The following HCN1 variants were observed in gnomAD, a reference collection of about 807,000 sequenced individuals.
HCN1 encodes the protein potassium/sodium hyperpolarization-activated cyclic nucleotide-gated channel 1.
HCN1 carries 13 observed loss-of-function variants against 78.9 expected under a neutral mutation model. That is an observed-to-expected ratio of 0.16 (90% CI 0.11 to 0.26). HCN1 has a LOEUF of 0.26. HCN1 is among the 10% of genes least tolerant of loss of function. The pLI, the probability that HCN1 is intolerant of heterozygous loss-of-function variation, is 1.00. For missense variants in HCN1, 810 were observed against 1,154.3 expected (o/e 0.70, Z 4.32); for synonymous variants, 552 against 455.5 (o/e 1.21, Z -2.70).
At chr5:45,356,886 A>T (rs1747015834) in intron 4 of HCN1, among the ~76,000 whole-genome samples, 1 of 152,042 alleles carries the variant, frequency 6.6e-6, no homozygotes, top group African/African-American at 2.4e-5. Flanking sequence ...GTAAATATTT[A>T]CCACAAAGCC....
intron 2 of HCN1, among the ~76,000 whole-genome samples, chr5:45,508,470 C>T (rs1330243747): frequency 6.6e-6 from 1 of 152,072 alleles, no homozygotes; most frequent in Non-Finnish European, 1.5e-5. Flanking sequence ...TGAGCTTCAG[C>T]TCACCAACAT....
chr5:45,354,508 C>A (rs1393627180), intron 4 of HCN1, among the ~76,000 whole-genome samples: 1 of 151,962 alleles, frequency 6.6e-6, no homozygotes, highest in African/African-American at 2.4e-5. Context: ...TCTAGATCTC[C>A]TGACTCTTTG....
rs1554014669 is a variant in HCN1 at position 45,267,463 on chromosome 5, T to TTA, written c.1619-211_1619-210insTA. Among the ~76,000 whole-genome samples the TTA allele has an allele frequency of 0.018, 2,536 of 141,552 alleles. 72 individuals carry two copies. Among genetic ancestry groups the TTA allele is most frequent in the African/African-American group, 0.062 (2,408 of 39,018 alleles). 92.9% of individuals were successfully genotyped at this position (141,552 alleles called of 152,430 possible). On this transcript the variant is annotated intron_variant, in intron 6 of 7. Coordinates refer to ENST00000303230, the MANE Select transcript of HCN1 (RefSeq NM_021072.4). ...AATGTTTTTTTGTTTTGTTTTGTTTTAAAAAAAAAAAAAACAGTTGAGAAG... is the reference window on the plus strand; with the variant it reads ...AATGTTTTTTTGTTTTGTTTTGTTTTTAAAAAAAAAAAAAAACAGTTGAGAAG...
chr5:45,463,156 A>G (rs1490780749), intron 2 of HCN1, among the ~76,000 whole-genome samples: 2 of 152,034 alleles, frequency 1.3e-5, no homozygotes, highest in African/African-American at 4.8e-5. Flanking sequence ...AAAAATGTAA[A>G]GAAAACCAAA....
intron 2 of HCN1, among the ~76,000 whole-genome samples, chr5:45,524,159 T>G (rs190759036): frequency 1.3e-5 from 2 of 152,290 alleles, no homozygotes; most frequent in Admixed American, 1.3e-4. Flanking sequence ...TTGTCAAAGA[T>G]CAGATAGTTG....
At chr5:45,689,760 G>A (rs947429465) in intron 1 of HCN1, among the ~76,000 whole-genome samples, 4 of 152,196 alleles carry the variant, frequency 2.6e-5, no homozygotes, top group Admixed American at 2.6e-4. Flanking sequence ...TAGTCTAACA[G>A]TAATGGGAAG....
intron 2 of HCN1, among the ~76,000 whole-genome samples, chr5:45,512,853 C>A (rs908646523): frequency 8.8e-4 from 134 of 152,078 alleles, no homozygotes; most frequent in African/African-American, 3.2e-3. Flanking sequence ...ACAAGTAAAC[C>A]TGATGGAAAT....
chr5:45,660,826 G>C (rs1378410263), intron 1 of HCN1, among the ~76,000 whole-genome samples: 1 of 133,620 alleles, frequency 7.5e-6, no homozygotes, highest in African/African-American at 2.9e-5. Context: ...GACATACAAA[G>C]AGACTTAGAC....
At chr5:45,515,062 T>C (rs1157108565) in intron 2 of HCN1, among the ~76,000 whole-genome samples, 1 of 152,084 alleles carries the variant, frequency 6.6e-6, no homozygotes, top group South Asian at 2.1e-4. Context: ...TACAACTAGA[T>C]GTATGCCTAC....
At chr5:45,313,888 T>G (rs1297842760) in intron 5 of HCN1, among the ~76,000 whole-genome samples, 1 of 152,184 alleles carries the variant, frequency 6.6e-6, no homozygotes, top group Non-Finnish European at 1.5e-5. Context: ...AATCTACATC[T>G]GATTGGTGTA....
Position 45,354,177 on chromosome 5 carries a change from C to A in HCN1, c.1231-931G>T, listed in dbSNP as rs79899288. Among the ~76,000 whole-genome samples the A allele has an allele frequency of 3.2e-4, 49 of 151,920 alleles. No homozygotes were observed. In the East Asian group the frequency reaches 8.5e-3, roughly 26 times the overall value. On this transcript the variant is annotated intron_variant, in intron 4 of 7. Coordinates refer to ENST00000303230, the MANE Select transcript of HCN1 (RefSeq NM_021072.4). Reference sequence around the variant, plus strand: ...AATAATTTCAAGCCTCATCCAAGACCTATGGAATAAGAATTTGCATCTTAA... The same window carrying A: ...AATAATTTCAAGCCTCATCCAAGACATATGGAATAAGAATTTGCATCTTAA...
At chr5:45,362,002 G>T (rs1031889933) in intron 4 of HCN1, among the ~76,000 whole-genome samples, 2 of 152,060 alleles carry the variant, frequency 1.3e-5, no homozygotes, top group African/African-American at 4.8e-5. Flanking sequence ...TGGAATAAGG[G>T]TCAAGGGTTA....
At chr5:45,403,680 G>T (rs892362106) in intron 3 of HCN1, among the ~76,000 whole-genome samples, 22 of 152,188 alleles carry the variant, frequency 1.4e-4, no homozygotes, top group Admixed American at 1.4e-3. Flanking sequence ...ATGAGATTTT[G>T]GTGGGGACAC....
intron 2 of HCN1, among the ~76,000 whole-genome samples, chr5:45,567,558 TACACACACACACACACACACAC>T (rs36230541): frequency 3.0e-5 from 4 of 132,926 alleles, no homozygotes; most frequent in South Asian, 2.7e-4. Context: ...CATTTTAGGC[TACACACACACACACACACACAC>T]ACACACACAC....
At chr5:45,624,193 T>C (rs991267545) in intron 2 of HCN1, among the ~76,000 whole-genome samples, 7 of 152,208 alleles carry the variant, frequency 4.6e-5, no homozygotes, top group South Asian at 2.1e-4. Flanking sequence ...ATGATTTGGC[T>C]TAGGCTCTCA....
chr5:45,606,914 G>A (rs1744737052), intron 2 of HCN1, among the ~76,000 whole-genome samples: 1 of 151,810 alleles, frequency 6.6e-6, no homozygotes, highest in Non-Finnish European at 1.5e-5. Context: ...GGTATGTAGA[G>A]AAAGACAATC....
intron 2 of HCN1, among the ~76,000 whole-genome samples, chr5:45,526,219 C>A (rs886806403): frequency 2.8e-4 from 42 of 152,100 alleles, no homozygotes; most frequent in African/African-American, 9.4e-4. Context: ...ATAGCAGATT[C>A]TAATTCCCAG....
chr5:45,629,970 A>C (rs562055306), intron 2 of HCN1, among the ~76,000 whole-genome samples: 2 of 152,246 alleles, frequency 1.3e-5, no homozygotes, highest in East Asian at 3.9e-4. Flanking sequence ...AAAAGTAAGT[A>C]AAATAAAGAT....
chr5:45,491,888 G>C (rs934783113), intron 2 of HCN1, among the ~76,000 whole-genome samples: 5 of 152,086 alleles, frequency 3.3e-5, no homozygotes, highest in African/African-American at 1.2e-4. Context: ...TTCAAGATCT[G>C]ACATGGTGTA....
Sources: allele counts gnomAD v4.1 joint callset (sites outside exome capture counted in the v4.1 genomes callset), GRCh38; gene constraint gnomAD v4.1.1; transcripts MANE v1.5; gene names NCBI Gene and HGNC (gene_info 2026-07-23, HGNC 2026-07-21).